The following ZFP14 variants were observed in gnomAD, a reference collection of about 807,000 sequenced individuals.
ZFP14 encodes zinc finger protein 14 homolog.
In ZFP14, 22 loss-of-function variants were observed where a neutral mutation model predicts 54.5. The ratio of observed to expected loss-of-function variants is 0.40; its 90% CI spans 0.29 to 0.58. ZFP14 has a LOEUF of 0.58. ZFP14 is among the 20% of genes least tolerant of loss of function. The probability of loss-of-function intolerance (pLI) is 0.39; values close to 1 mark genes in which losing one functional copy is unlikely to be tolerated. For synonymous variants in ZFP14, 159 were observed against 204.0 expected, an observed-to-expected ratio of 0.78 and a Z score of 1.88; for missense variants, 470 against 637.8, an observed-to-expected ratio of 0.74 and a Z score of 2.83.
intron 2 of ZFP14, among the ~76,000 whole-genome samples, chr19:36,365,745 G>A (rs1300675160): frequency 6.6e-6 from 1 of 152,104 alleles, no homozygotes; most frequent in Non-Finnish European, 1.5e-5. Flanking sequence ...AATCACTTGA[G>A]CCCAGGAGTT....
chr19:36,356,371 T>C (rs1317928434), intron 4 of ZFP14, among the ~76,000 whole-genome samples: 1 of 150,800 alleles, frequency 6.6e-6, no homozygotes, highest in African/African-American at 2.4e-5. Context: ...GAGGTTGCAG[T>C]GAGCCGAGAT....
intron 1 of ZFP14, among the ~76,000 whole-genome samples, chr19:36,373,165 T>C (rs1555756962): frequency 6.6e-6 from 1 of 151,778 alleles, no homozygotes; most frequent in Non-Finnish European, 1.5e-5. Flanking sequence ...TAATCCCAGT[T>C]ACTCAGGAGG....
At chr19:36,346,899 G>A (rs77065744) in intron 4 of ZFP14, among the ~76,000 whole-genome samples, 1,830 of 152,288 alleles carry the variant, frequency 0.012, 40 homozygotes, top group African/African-American at 0.042. Flanking sequence ...AGGCAGGTTC[G>A]CTTGCTTGTT....
chr19:36,356,566 C>A (rs1202478679), intron 4 of ZFP14, among the ~76,000 whole-genome samples: 1 of 152,134 alleles, frequency 6.6e-6, no homozygotes, highest in African/African-American at 2.4e-5. Flanking sequence ...AAAACCACCA[C>A]CAAAATCAAG....
intron 4 of ZFP14, among the ~76,000 whole-genome samples, chr19:36,347,462 T>C (rs2031438073): frequency 6.6e-6 from 1 of 150,608 alleles, no homozygotes; most frequent in Middle Eastern, 3.3e-3. Context: ...CTACAAAAAT[T>C]AGCCAGGTGT....
chr19:36,346,904 C>T (rs1162581867), intron 4 of ZFP14, among the ~76,000 whole-genome samples: 1 of 152,234 alleles, frequency 6.6e-6, no homozygotes, highest in Non-Finnish European at 1.5e-5. Flanking sequence ...GGTTCGCTTG[C>T]TTGTTCAGGA....
chr19:36,342,026 T>C (rs1263857052), intron 4 of ZFP14, among the ~76,000 whole-genome samples: 1 of 150,450 alleles, frequency 6.6e-6, no homozygotes. Flanking sequence ...TAATTTTTTT[T>C]TGTATTTTTT....
rs1289264099 is a variant in ZFP14 at position 36,341,218 on chromosome 19, T to A, written c.608A>T (p.Lys203Met). 6.2e-7 allele frequency: 1 copy of A among 1,614,180 alleles called. No homozygotes were observed. The highest frequency in any genetic ancestry group is 1.7e-5 in the Admixed American group (1 of 60,010). ...IHTGEKPYKC[K>M]ECGQAFRQRA... ...CTGTCTAAAGGCCTGCCCACATTCCTTACACTTATAAGGTTTCTCACCAGT... is the reference window on the plus strand; with the variant it reads ...CTGTCTAAAGGCCTGCCCACATTCCATACACTTATAAGGTTTCTCACCAGT... The change falls in exon 5 of 5, where the codon AAG (lysine) becomes ATG (methionine). Residue 203 changes from lysine (K) to methionine (M), a missense_variant. By Grantham distance (95) the Lys-to-Met change is moderately conservative (BLOSUM62 -1). Transcript: ENST00000270001. The surrounding 1 kb of genome is among the most constrained non-coding windows in gnomAD (Gnocchi z 4.2).
chr19:36,374,076 G>A (rs147110123), intron 1 of ZFP14, among the ~76,000 whole-genome samples: 1 of 152,258 alleles, frequency 6.6e-6, no homozygotes, highest in Non-Finnish European at 1.5e-5. Context: ...CAAGGTTGTG[G>A]GGACACCGAC....
intron 4 of ZFP14, among the ~76,000 whole-genome samples, chr19:36,351,336 T>C (rs1002641578): frequency 1.4e-5 from 2 of 139,070 alleles, no homozygotes; most frequent in African/African-American, 5.3e-5. Flanking sequence ...CCGTCTCTAC[T>C]AAAAACTACA....
At chr19:36,365,951 C>A (rs541551197) in intron 2 of ZFP14, among the ~76,000 whole-genome samples, 114 of 136,358 alleles carry the variant, frequency 8.4e-4, no homozygotes, top group Non-Finnish European at 1.3e-3. Flanking sequence ...CTGAGTGAGA[C>A]CTTCTGTCAA....
intron 2 of ZFP14, among the ~76,000 whole-genome samples, chr19:36,364,415 T>C (rs916336660): frequency 2.0e-5 from 3 of 152,206 alleles, no homozygotes; most frequent in African/African-American, 7.2e-5. Context: ...ATTGGCTTGT[T>C]TGAATAATTC....
At position 36,341,883 on chromosome 19, in the gene ZFP14, G is replaced by C. The variant is rs1045294981; in HGVS notation, c.236-293C>G. 9.9e-5 allele frequency among the ~76,000 whole-genome samples: 15 copies of C among 151,542 alleles called. No individual in the cohort carries two copies. Among genetic ancestry groups the C allele is most frequent in the African/African-American group, 3.4e-4 (14 of 41,272 alleles). On this transcript the variant is annotated intron_variant, in intron 4 of 4. Transcript: ENST00000270001. The surrounding 1 kb of genome is among the most constrained non-coding windows in gnomAD (Gnocchi z 4.2). ...TTTTTTTCTTTGGAGATGGAGTCTC[G>C]CTCTGTTGCCCAGGCTGGAGTGCAG...
chr19:36,360,432 CA>C lies in ZFP14; in HGVS notation c.235+2del. The C allele has an allele frequency of 6.2e-7, 1 of 1,612,158 alleles. No individual in the cohort carries two copies. Among genetic ancestry groups the C allele is most frequent in the Non-Finnish European group, 8.5e-7 (1 of 1,178,746 alleles). Reference sequence around the variant, plus strand: ...TCTCAATGCCTGCTCAGCCCTCACTCACCAGGGCAGTATCTTCTTGTCCCTT... The same window carrying C: ...TCTCAATGCCTGCTCAGCCCTCACTCCCAGGGCAGTATCTTCTTGTCCCTT... On this transcript the variant is annotated splice_donor_variant, in intron 4 of 4. Transcript: ENST00000270001. LOFTEE classifies it high-confidence loss of function.
At chr19:36,351,574 T>C (rs1299009106) in intron 4 of ZFP14, among the ~76,000 whole-genome samples, 2 of 141,982 alleles carry the variant, frequency 1.4e-5, no homozygotes, top group East Asian at 4.2e-4. Context: ...TAAAATACTA[T>C]TAAGGGTTGC....
intron 3 of ZFP14, among the ~76,000 whole-genome samples, chr19:36,360,740 A>T (rs1444160062): frequency 1.3e-5 from 2 of 152,212 alleles, no homozygotes; most frequent in African/African-American, 2.4e-5. Flanking sequence ...AAGTATACTA[A>T]GGCCATTATA....
intron 4 of ZFP14, among the ~76,000 whole-genome samples, chr19:36,346,400 G>A (rs1013682703): frequency 6.6e-6 from 1 of 151,418 alleles, no homozygotes; most frequent in Non-Finnish European, 1.5e-5. Flanking sequence ...AAAAAGGAAA[G>A]CATTCAAACA....
intron 3 of ZFP14, 56 bp downstream of exon 3, chr19:36,362,056 T>C: frequency 1.3e-6 from 2 of 1,528,500 alleles, no homozygotes; most frequent in Admixed American, 2.2e-5. Flanking sequence ...TTTCTAAATA[T>C]AGTCCTGAAA....
intron 1 of ZFP14, among the ~76,000 whole-genome samples, chr19:36,373,894 AG>A (rs1323361996): frequency 4.9e-5 from 7 of 141,888 alleles, no homozygotes; most frequent in Non-Finnish European, 9.1e-5. Flanking sequence ...CCTGGGCAAC[AG>A]AGTAAGACCC....
Sources: allele counts gnomAD v4.1 joint callset (sites outside exome capture counted in the v4.1 genomes callset), GRCh38; gene constraint gnomAD v4.1.1; non-coding constraint Gnocchi (gnomAD v3.1); transcripts MANE v1.5; gene names NCBI Gene and HGNC (gene_info 2026-07-23, HGNC 2026-07-21).